TTC7B: variants seen among roughly 807,000 people sequenced by gnomAD.
TTC7B encodes the protein tetratricopeptide repeat domain 7B, also known as tetratricopeptide repeat protein 7B.
Under a neutral mutation model 106.8 loss-of-function variants are expected in TTC7B, and 28 were observed. The observed-to-expected ratio is 0.26, with a 90% CI of 0.19 to 0.36. TTC7B has a LOEUF of 0.36. Ranked by LOEUF, TTC7B falls within the 10% of genes least tolerant of loss-of-function variation. The pLI is 1.00. For missense variants in TTC7B, 862 were observed against 1,076.4 expected, an observed-to-expected ratio of 0.80 and a Z score of 2.79; for synonymous variants, 405 against 430.6, an observed-to-expected ratio of 0.94 and a Z score of 0.74.
intron 5 of TTC7B, among the ~76,000 whole-genome samples, chr14:90,722,747 T>G (rs1431967079): frequency 6.6e-6 from 1 of 152,240 alleles, no homozygotes; most frequent in Non-Finnish European, 1.5e-5. Context: ...TTGGTCTTCT[T>G]TATTAACATC....
At chr14:90,693,533 G>A (rs1299649348) in intron 6 of TTC7B, among the ~76,000 whole-genome samples, 5 of 152,082 alleles carry the variant, frequency 3.3e-5, no homozygotes, top group Admixed American at 6.6e-5. Flanking sequence ...TGGCAGCCAC[G>A]AGGGCCTACA....
chr14:90,585,364 C>T (rs1316419411), intron 18 of TTC7B, among the ~76,000 whole-genome samples: 1 of 152,226 alleles, frequency 6.6e-6, no homozygotes, highest in African/African-American at 2.4e-5. Context: ...ACTCCTGACC[C>T]ATCCCCTCCG....
At chr14:90,803,964 G>A (rs1417842177) in intron 1 of TTC7B, among the ~76,000 whole-genome samples, 1 of 152,106 alleles carries the variant, frequency 6.6e-6, no homozygotes. Context: ...TTATCAGGCC[G>A]GCCCAGAGGG....
chr14:90,723,578 A>G (rs993224291), intron 5 of TTC7B, among the ~76,000 whole-genome samples: 26 of 151,830 alleles, frequency 1.7e-4, no homozygotes, highest in African/African-American at 6.3e-4. Flanking sequence ...TTTTGCACCC[A>G]CTCCTTGGAG....
intron 4 of TTC7B, among the ~76,000 whole-genome samples, chr14:90,740,876 G>T (rs1233355397): frequency 6.6e-6 from 1 of 152,160 alleles, no homozygotes; most frequent in Non-Finnish European, 1.5e-5. Flanking sequence ...ATTGTCCGAG[G>T]TTAGGAAAGA....
At chr14:90,610,705 T>C in intron 17 of TTC7B, 37 bp downstream of exon 17, 1 of 1,469,220 alleles carries the variant, frequency 6.8e-7, no homozygotes, top group Non-Finnish European at 9.5e-7. Context: ...ACATTCTCCA[T>C]TACACCATTT....
chr14:90,811,790 C>A (rs1245210745), intron 1 of TTC7B, among the ~76,000 whole-genome samples: 1 of 152,214 alleles, frequency 6.6e-6, no homozygotes, highest in Admixed American at 6.5e-5. Context: ...GGGGCCTAAT[C>A]TTTCTAAGTG....
chr14:90,605,918 G>C (rs1449904701), intron 17 of TTC7B, among the ~76,000 whole-genome samples: 3 of 152,178 alleles, frequency 2.0e-5, no homozygotes, highest in African/African-American at 7.2e-5. Context: ...GAATACAAGT[G>C]CTTTTCGAAG....
At chr14:90,612,482 G>A (rs1250387529) in intron 16 of TTC7B, among the ~76,000 whole-genome samples, 2 of 152,176 alleles carry the variant, frequency 1.3e-5, no homozygotes, top group African/African-American at 4.8e-5. Context: ...CAAGACACAC[G>A]ATGAGGTATC....
chr14:90,800,112 G>A (rs111658420), intron 1 of TTC7B, among the ~76,000 whole-genome samples: 2,558 of 152,280 alleles, frequency 0.017, 30 homozygotes, highest in African/African-American at 0.03. Context: ...GATTACAGGC[G>A]TGAGCCACCA....
At chr14:90,791,686 C>G (rs1042551836) in intron 1 of TTC7B, among the ~76,000 whole-genome samples, 3 of 152,072 alleles carry the variant, frequency 2.0e-5, no homozygotes, top group African/African-American at 7.2e-5. Context: ...CCTGTTCACC[C>G]TCCCCCATAG....
At chr14:90,619,913 C>T (rs557742437) in intron 15 of TTC7B, among the ~76,000 whole-genome samples, 14 of 152,302 alleles carry the variant, frequency 9.2e-5, no homozygotes, top group Admixed American at 7.8e-4. Context: ...TTCAGCTGGA[C>T]ATCCAGGAGA....
chr14:90,644,249 ATGCACACG>A (rs201966954), intron 14 of TTC7B, 41 bp from the exon 15 acceptor site: 1 of 1,446,836 alleles, frequency 6.9e-7, no homozygotes, highest in Non-Finnish European at 9.2e-7. Flanking sequence ...ACATACACAC[ATGCACACG>A]CACACACACA....
At chr14:90,662,097 T>A (rs1886231032) in intron 9 of TTC7B, among the ~76,000 whole-genome samples, 1 of 152,134 alleles carries the variant, frequency 6.6e-6, no homozygotes, top group African/African-American at 2.4e-5. Flanking sequence ...CCCTTGTCAT[T>A]CTGGCTGCCT....
At chr14:90,715,306 T>C (rs1178164775) in intron 5 of TTC7B, among the ~76,000 whole-genome samples, 1 of 152,214 alleles carries the variant, frequency 6.6e-6, no homozygotes. Flanking sequence ...CCTGAGCTTT[T>C]GGGTCTGCTC....
intron 9 of TTC7B, among the ~76,000 whole-genome samples, chr14:90,662,760 G>C (rs1595258778): frequency 6.6e-6 from 1 of 152,148 alleles, no homozygotes; most frequent in South Asian, 2.1e-4. Flanking sequence ...TCAGAAACAG[G>C]CTAGTGAGTA....
intron 15 of TTC7B, among the ~76,000 whole-genome samples, chr14:90,631,211 G>C (rs535494245): frequency 6.6e-6 from 1 of 152,274 alleles, no homozygotes; most frequent in South Asian, 2.1e-4. Flanking sequence ...TTCATTCATT[G>C]ATAGGCACTT....
chr14:90,785,457 AG>A (rs1187564698), intron 2 of TTC7B, among the ~76,000 whole-genome samples: 1 of 152,154 alleles, frequency 6.6e-6, no homozygotes, highest in Admixed American at 6.5e-5. Flanking sequence ...CATCTGAACT[AG>A]GGGAAGCATC....
chr14:90,689,313 C>T lies in TTC7B; in HGVS notation c.950+227G>A, dbSNP rs1292404107. On this transcript the variant is annotated intron_variant, in intron 7 of 19. Coordinates refer to ENST00000328459, the MANE Select transcript of TTC7B (RefSeq NM_001010854.2). ...GTGATGGCTGCAAATGGCACCCAAG[C>T]ACTGAGATGAGAGCATTCTCCTACT... is the stretch of plus-strand genomic sequence containing the variant. Among the ~76,000 whole-genome samples the T allele has an allele frequency of 2.0e-5, 3 of 152,184 alleles. No homozygotes were observed. The East Asian group carries it at 5.8e-4, about 29-fold the overall frequency.
Sources: gnomAD v4.1 joint callset for allele counts (sites outside exome capture counted in the v4.1 genomes callset) on GRCh38, gnomAD v4.1.1 for gene constraint, MANE v1.5 for transcripts, NCBI Gene and HGNC (gene_info 2026-07-23, HGNC 2026-07-21) for gene names.